The following FGF12 variants were observed in gnomAD, a reference collection of about 807,000 sequenced individuals.
FGF12 encodes the protein fibroblast growth factor 12.
FGF12 carries 14 observed loss-of-function variants against 23.6 expected under a neutral mutation model. The observed-to-expected ratio is 0.59, with a 90% CI of 0.39 to 0.93. The LOEUF (loss-of-function observed/expected upper bound fraction) is 0.93, where lower values mean the gene tolerates loss of function less well. Ranked by LOEUF, FGF12 falls within the 40% of genes least tolerant of loss-of-function variation. FGF12 has a pLI of 0.00. For missense variants in FGF12, 175 were observed against 217.8 expected (o/e 0.80, Z 1.24); for synonymous variants, 62 against 77.3 (o/e 0.80, Z 1.04).
intron 3 of FGF12, among the ~76,000 whole-genome samples, chr3:192,349,164 T>C (rs893097681): frequency 2.0e-5 from 3 of 152,114 alleles, no homozygotes; most frequent in Non-Finnish European, 4.4e-5. Context: ...CAGAGACATA[T>C]AAGAAACTAC....
chr3:192,609,690 T>A (rs1227091854), intron 2 of FGF12, among the ~76,000 whole-genome samples: 1 of 152,126 alleles, frequency 6.6e-6, no homozygotes. Flanking sequence ...TGGCCTCATA[T>A]GTTGCAACAT....
intron 2 of FGF12, among the ~76,000 whole-genome samples, chr3:192,531,674 A>G (rs1219912989): frequency 6.6e-6 from 1 of 152,252 alleles, no homozygotes; most frequent in Non-Finnish European, 1.5e-5. Context: ...ACTTAAAGTT[A>G]TTAACAACAT....
intron 3 of FGF12, among the ~76,000 whole-genome samples, chr3:192,349,423 G>A (rs1038796989): frequency 4.0e-5 from 6 of 151,858 alleles, no homozygotes; most frequent in African/African-American, 1.4e-4. Context: ...TCTCTTTTTA[G>A]TTTCTTATTC....
At chr3:192,325,433 G>T (rs2108686108) in intron 4 of FGF12, among the ~76,000 whole-genome samples, 1 of 152,140 alleles carries the variant, frequency 6.6e-6, no homozygotes, top group South Asian at 2.1e-4. Flanking sequence ...TCTCTATTTA[G>T]GCATCATTAA....
At chr3:192,392,591 CGAGAGAGAGAGAGAGA>C (rs67784749) in intron 2 of FGF12, among the ~76,000 whole-genome samples, 7 of 41,868 alleles carry the variant, frequency 1.7e-4, no homozygotes, top group South Asian at 3.3e-3. Flanking sequence ...AGTGAAACTC[CGAGAGAGAGAGAGAGA>C]GAGAGAGAGA....
chr3:192,576,338 A>G (rs1373124095), intron 2 of FGF12, among the ~76,000 whole-genome samples: 2 of 152,226 alleles, frequency 1.3e-5, no homozygotes, highest in South Asian at 2.1e-4. Flanking sequence ...CACACAGATG[A>G]GAGAGCTGAA....
intron 4 of FGF12, among the ~76,000 whole-genome samples, chr3:192,218,281 G>A (rs934121459): frequency 6.6e-5 from 10 of 152,190 alleles, no homozygotes; most frequent in Admixed American, 2.6e-4. Context: ...GGAGATACTG[G>A]CATCTTTTGG....
chr3:192,694,700 C>CA (rs2108724323), intron 2 of FGF12, among the ~76,000 whole-genome samples: 1 of 151,582 alleles, frequency 6.6e-6, no homozygotes, highest in East Asian at 1.9e-4. Context: ...ATACAGCCTT[C>CA]AAAAAAGGAG....
intron 4 of FGF12, among the ~76,000 whole-genome samples, chr3:192,214,737 G>A (rs570227757): frequency 1.9e-4 from 29 of 152,240 alleles, no homozygotes; most frequent in Non-Finnish European, 4.0e-4. Context: ...GCCAACAGCT[G>A]TCTTAAATAT....
Position 192,489,388 on chromosome 3 carries a change from G to A in FGF12, c.14-128850C>T, listed in dbSNP as rs1224671099. Among the ~76,000 whole-genome samples, 10 of 151,756 alleles carry A rather than the reference G, an allele frequency of 6.6e-5. No individual in the cohort carries two copies. In the South Asian group the frequency reaches 8.3e-4, roughly 13 times the overall value. Reference sequence around the variant, plus strand: ...CTAATTCATTCTTCACTCCAATGCCGTCATTGCTATAGAAGACCCATTTAA... The same window carrying A: ...CTAATTCATTCTTCACTCCAATGCCATCATTGCTATAGAAGACCCATTTAA... On this transcript the variant is annotated intron_variant, in intron 2 of 5. Transcript: ENST00000445105.
chr3:192,373,286 A>ATT (rs10662970), intron 2 of FGF12, among the ~76,000 whole-genome samples: 29,677 of 141,460 alleles, frequency 0.21, 3,531 homozygotes, highest in African/African-American at 0.32. Context: ...GGAAGCAAAC[A>ATT]TTTTTTTTTT....
chr3:192,389,285 A>T (rs1229792697), intron 2 of FGF12, among the ~76,000 whole-genome samples: 2 of 152,146 alleles, frequency 1.3e-5, no homozygotes, highest in Non-Finnish European at 2.9e-5. Flanking sequence ...ACACGAACCT[A>T]GGAGTTGGAG....
intron 2 of FGF12, among the ~76,000 whole-genome samples, chr3:192,404,390 T>C (rs1258971720): frequency 6.6e-6 from 1 of 152,222 alleles, no homozygotes; most frequent in African/African-American, 2.4e-5. Context: ...TTATGAGTGT[T>C]ACCCTTTGTC....
chr3:192,427,066 A>G (rs548634049), intron 2 of FGF12, among the ~76,000 whole-genome samples: 5 of 152,244 alleles, frequency 3.3e-5, no homozygotes, highest in South Asian at 4.1e-4. Flanking sequence ...CTTTTCAATA[A>G]CGTTTGTAGA....
intron 4 of FGF12, among the ~76,000 whole-genome samples, chr3:192,269,696 A>G (rs1713305270): frequency 6.6e-6 from 1 of 152,198 alleles, no homozygotes; most frequent in Non-Finnish European, 1.5e-5. Flanking sequence ...GAGTCTACCC[A>G]ATAACTCTTA....
intron 4 of FGF12, among the ~76,000 whole-genome samples, chr3:192,223,439 G>A (rs1215237626): frequency 6.6e-6 from 1 of 152,000 alleles, no homozygotes; most frequent in Non-Finnish European, 1.5e-5. Flanking sequence ...AATGAATAAA[G>A]GGCAATTATT....
chr3:192,225,585 C>T (rs1168235674), intron 4 of FGF12, among the ~76,000 whole-genome samples: 3 of 152,036 alleles, frequency 2.0e-5, no homozygotes, highest in Admixed American at 2.0e-4. Flanking sequence ...TACCACATTA[C>T]CAACACTTCT....
At chr3:192,706,448 C>A (rs1718474347) in intron 2 of FGF12, among the ~76,000 whole-genome samples, 1 of 152,084 alleles carries the variant, frequency 6.6e-6, no homozygotes, top group African/African-American at 2.4e-5. Flanking sequence ...CCGAACAGCA[C>A]CCGGATGAAT....
chr3:192,267,267 T>A (rs1455064283), intron 4 of FGF12: 2 of 152,126 alleles, frequency 1.3e-5, no homozygotes, highest in Non-Finnish European at 2.9e-5. Context: ...CAGCACAGCA[T>A]CTCCAGGAAG....
Sources: allele counts gnomAD v4.1 joint callset (sites outside exome capture counted in the v4.1 genomes callset), GRCh38; gene constraint gnomAD v4.1.1; transcripts MANE v1.5; gene names NCBI Gene and HGNC (gene_info 2026-07-23, HGNC 2026-07-21).